Variants in SNRNP200 observed in about 807,000 individuals in gnomAD.
SNRNP200 encodes the protein U5 small nuclear ribonucleoprotein 200 kDa helicase.
SNRNP200 carries 66 observed loss-of-function variants against 255.2 expected under a neutral mutation model. The observed-to-expected ratio is 0.26, with a 90% CI of 0.21 to 0.32. SNRNP200 has a LOEUF of 0.32. Ranked by LOEUF, SNRNP200 falls within the 10% of genes least tolerant of loss-of-function variation. The pLI, the probability that SNRNP200 is intolerant of heterozygous loss-of-function variation, is 1.00. For missense variants in SNRNP200, 1,585 were observed against 2,749.8 expected (o/e 0.58, Z 9.47); for synonymous variants, 939 against 1,027.8 (o/e 0.91, Z 1.65).
chr2:96,294,401 G>A (rs562449679), intron 14 of SNRNP200, among the ~76,000 whole-genome samples: 24 of 151,900 alleles, frequency 1.6e-4, no homozygotes, highest in East Asian at 1.4e-3. Context: ...TTGCATCATC[G>A]CACTCCAGCC....
At position 96,277,514 on chromosome 2, in the gene SNRNP200, G is replaced by A; in HGVS notation, c.5931+25C>T. On this transcript the variant is annotated intron_variant, in intron 41 of 44. Transcript: ENST00000323853. The surrounding 1 kb of genome is among the most constrained non-coding windows in gnomAD (Gnocchi z 4.4). Reference sequence around the variant, plus strand: ...ACTGGGCTCTCAGGCTCACCCACCTGACCCTCTAGGCTGACCCGGCTCACC... The same window carrying A: ...ACTGGGCTCTCAGGCTCACCCACCTAACCCTCTAGGCTGACCCGGCTCACC... 1 of 1,611,994 alleles carries A rather than the reference G, an allele frequency of 6.2e-7. No individual in the cohort carries two copies. Among genetic ancestry groups the A allele is most frequent in the Non-Finnish European group, 8.5e-7 (1 of 1,179,904 alleles).
At chr2:96,285,427 C>A in intron 29 of SNRNP200, 87 bp from the exon 30 acceptor site, 2 of 1,475,718 alleles carry the variant, frequency 1.4e-6, no homozygotes, top group Non-Finnish European at 1.9e-6. Context: ...AAACAAAGGA[C>A]AACATACGAA....
Position 96,284,021 on chromosome 2 carries a change from A to C in SNRNP200, c.4393-17T>G. The C allele has an allele frequency of 5.1e-6, 3 of 588,562 alleles. No individual in the cohort carries two copies. Among genetic ancestry groups the C allele is most frequent in the Non-Finnish European group, 9.4e-6 (3 of 319,180 alleles). The allele number at this position is 588,562 out of a possible 1,614,324, so 36.5% of individuals were successfully genotyped here. A position where few individuals can be genotyped will look rare whatever the true frequency, so the allele number is the denominator to read the frequency against. On this transcript the variant is annotated splice_polypyrimidine_tract_variant and intron_variant, in intron 31 of 44. Transcript: ENST00000323853. The stretch of plus-strand genomic sequence containing the variant: ...TAAGACAGGCTGGAAAGAGGGAGGG[A>C]GGGAGGGTCACTGCAGGCCAAGGCT...
intron 14 of SNRNP200, 125 bp downstream of exon 14, chr2:96,295,363 G>T: frequency 6.8e-7 from 1 of 1,471,528 alleles, no homozygotes. Flanking sequence ...TACGGAATTG[G>T]AGGACTAGTC....
chr2:96,295,658 G>A lies in SNRNP200; in HGVS notation c.1672C>T (p.Arg558Cys), dbSNP rs779682920. ...VQEMVGSFGK[R>C]LATYGITVAE... is the part of the protein sequence containing the mutation. ...ACAGTGATGCCATAAGTGGCCAGGC[G>A]CTGTGGGAGGAAAACTACATCAGGC... Residue 558 changes from arginine to cysteine, a missense_variant and splice_region_variant, in exon 14 of 45, where the codon CGC (arginine) becomes TGC (cysteine). Transcript: ENST00000323853. 2.5e-6 allele frequency: 4 copies of A among 1,613,316 alleles called. No individual in the cohort carries two copies. The highest frequency in any genetic ancestry group is 1.7e-4 in the Middle Eastern group (1 of 6,058).
At position 96,290,214 on chromosome 2, in the gene SNRNP200, G is replaced by A; in HGVS notation, c.2742+112C>T. 8.2e-7 allele frequency: 1 copy of A among 1,218,708 alleles called. No homozygotes were observed. Among genetic ancestry groups the A allele is most frequent in the Non-Finnish European group, 1.2e-6 (1 of 821,520 alleles). The allele number at this position is 1,218,708 out of a possible 1,614,324, so 75.5% of individuals were successfully genotyped here. ...TGCCAGACCCAAGATGTGGGTGCAGGGATGGAAGGCCTCGGACGCTGCTGG... is the reference window on the plus strand; with the variant it reads ...TGCCAGACCCAAGATGTGGGTGCAGAGATGGAAGGCCTCGGACGCTGCTGG... On this transcript the variant is annotated intron_variant, in intron 20 of 44. Transcript: ENST00000323853. The surrounding 1 kb of genome is among the most constrained non-coding windows in gnomAD (Gnocchi z 4.5).
rs1331449774 is a variant in SNRNP200 at position 96,274,568 on chromosome 2, G to GACTC, written c.*440_*443dup. ...AGTCGCATGTACCCTCCTCTGGGCT[G>GACTC]ACTCACGAGGCTACAGGGGACAGCA... On this transcript the variant is annotated 3_prime_UTR_variant, in exon 45 of 45. Coordinates refer to ENST00000323853, the MANE Select transcript of SNRNP200 (RefSeq NM_014014.5). 1.0e-5 allele frequency: 3 copies of GACTC among 287,134 alleles called. No homozygotes were observed. Among genetic ancestry groups the GACTC allele is most frequent in the African/African-American group, 6.6e-5 (3 of 45,410 alleles). 17.8% of individuals were successfully genotyped at this position (287,134 alleles called of 1,614,324 possible). A position where few individuals can be genotyped will look rare whatever the true frequency, so the allele number is the denominator to read the frequency against.
rs1407589622 is a variant in SNRNP200, at chr2:96,289,957, G to A, written c.2782C>T (p.Arg928Ter). The part of the protein sequence containing the change: ...NWLGYAYLYI[R>*]MLRSPTLYGI... ...TAGAGGGTTGGGGATCGCAGCATTC[G>A]GATATAGAGGTAGGCATAGCCCAGC... The change falls in exon 21 of 45, where the codon CGA becomes TGA. Residue 928 changes from arginine (R) to a stop codon, truncating the protein, a stop_gained. Coordinates refer to ENST00000323853, the MANE Select transcript of SNRNP200 (RefSeq NM_014014.5). LOFTEE classifies it high-confidence loss of function. 3 of 1,613,964 alleles carry A rather than the reference G, an allele frequency of 1.9e-6. No homozygotes were observed. Among genetic ancestry groups the A allele is most frequent in the Non-Finnish European group, 1.7e-6 (2 of 1,180,028 alleles).
chr2:96,300,154 A>T (rs1036704578), intron 5 of SNRNP200, among the ~76,000 whole-genome samples: 1 of 152,110 alleles, frequency 6.6e-6, no homozygotes, highest in Non-Finnish European at 1.5e-5. Context: ...CCCTTTCAGG[A>T]GCCACTTCTA....
chr2:96,304,591 A>G, intron 2 of SNRNP200, 114 bp downstream of exon 2: 2 of 1,420,364 alleles, frequency 1.4e-6, no homozygotes, highest in South Asian at 2.3e-5. Context: ...CCTTCACTGA[A>G]TTGTTTTAAT....
At chr2:96,300,703 G>A (rs745548596) in intron 5 of SNRNP200, among the ~76,000 whole-genome samples, 1 of 151,946 alleles carries the variant, frequency 6.6e-6, no homozygotes. Context: ...GGCAGAGCTT[G>A]CAGTGAGCCG....
intron 35 of SNRNP200, chr2:96,281,505 T>A: frequency 2.6e-6 from 1 of 377,672 alleles, no homozygotes; most frequent in Non-Finnish European, 5.1e-6. Context: ...TATAGGTGTA[T>A]GACCTCGACC....
At chr2:96,301,199 G>A (rs568554037) in intron 4 of SNRNP200, 146 bp from the exon 5 acceptor site, 4 of 767,314 alleles carry the variant, frequency 5.2e-6, no homozygotes, top group Admixed American at 4.0e-5. Flanking sequence ...ATCAACATGA[G>A]AGAGCCACCT....
intron 35 of SNRNP200, among the ~76,000 whole-genome samples, chr2:96,280,698 T>C (rs1221401710): frequency 6.6e-6 from 1 of 151,466 alleles, no homozygotes; most frequent in Non-Finnish European, 1.5e-5. Flanking sequence ...TACAGGCGCG[T>C]GCCACCACAC....
intron 4 of SNRNP200, 108 bp from the exon 5 acceptor site, chr2:96,301,161 G>T: frequency 1.1e-6 from 1 of 921,764 alleles, no homozygotes; most frequent in Non-Finnish European, 1.8e-6. Context: ...AGATCTAAGT[G>T]CTAAGGACAC....
rs2063918333 is a variant in SNRNP200, at chr2:96,296,572, G to A, written c.1635C>T (p.Arg545=). 2 of 1,614,012 alleles carry A rather than the reference G, an allele frequency of 1.2e-6. No homozygotes were observed. Among genetic ancestry groups the A allele is most frequent in the African/African-American group, 1.3e-5 (1 of 74,896 alleles). The part of the protein sequence containing the change: ...DFKIIYIAPM[R]SLVQEMVGSF... ...TGCCCACCATCTCCTGCACCAAGGA[G>A]CGCATGGGGGCAATGTAGATAATCT... is the stretch of plus-strand genomic sequence containing the variant. Residue 545 remains arginine (R), a synonymous_variant, in exon 13 of 45, where the codon CGC becomes CGT. Transcript: ENST00000323853.
At chr2:96,304,950 A>C (rs2063977940) in intron 1 of SNRNP200, 82 bp from the exon 2 acceptor site, 1 of 1,488,372 alleles carries the variant, frequency 6.7e-7, no homozygotes. Context: ...CTGATGGAAA[A>C]AATCGTAGTA....
At chr2:96,280,092 G>A (rs982182018) in intron 35 of SNRNP200, among the ~76,000 whole-genome samples, 1 of 152,116 alleles carries the variant, frequency 6.6e-6, no homozygotes, top group African/African-American at 2.4e-5. Flanking sequence ...TGTGTATTTC[G>A]TGAGTCATCA....
intron 3 of SNRNP200, 42 bp downstream of exon 3, chr2:96,303,117 T>C: frequency 6.2e-7 from 1 of 1,601,628 alleles, no homozygotes; most frequent in Non-Finnish European, 8.6e-7. Context: ...TGCCAGAAAA[T>C]GAAATAAAGA....
Sources: gnomAD v4.1 joint callset for allele counts (sites outside exome capture counted in the v4.1 genomes callset) on GRCh38, gnomAD v4.1.1 for gene constraint, Gnocchi (gnomAD v3.1) non-coding constraint, MANE v1.5 for transcripts, NCBI Gene and HGNC (gene_info 2026-07-23, HGNC 2026-07-21) for gene names.